Variants in ALCAM observed in about 807,000 individuals in gnomAD.
The protein encoded by ALCAM is CD166 antigen.
A neutral mutation model predicts 70.9 loss-of-function variants in ALCAM; 30 were observed. The ratio of observed to expected loss-of-function variants is 0.42; its 90% CI spans 0.32 to 0.57. The LOEUF is 0.57. Among genes scored for constraint, ALCAM ranks in the 20% least tolerant of loss-of-function variants. The pLI, the probability that ALCAM is intolerant of heterozygous loss-of-function variation, is 0.11. For synonymous variants in ALCAM, 249 were observed against 242.5 expected, an observed-to-expected ratio of 1.03 and a Z score of -0.25; for missense variants, 591 against 695.1, an observed-to-expected ratio of 0.85 and a Z score of 1.68.
intron 1 of ALCAM, among the ~76,000 whole-genome samples, chr3:105,405,726 A>C (rs1353090820): frequency 6.6e-6 from 1 of 152,234 alleles, no homozygotes; most frequent in Non-Finnish European, 1.5e-5. Flanking sequence ...CAGTGGAGTA[A>C]AATTGGAAAT....
At chr3:105,536,354 A>G (rs770002286) in intron 6 of ALCAM, among the ~76,000 whole-genome samples, 11 of 152,160 alleles carry the variant, frequency 7.2e-5, no homozygotes, top group Non-Finnish European at 1.5e-4. Flanking sequence ...TCAGCCTCCC[A>G]AAGTACTGGG....
chr3:105,463,080 A>C (rs530031245), intron 1 of ALCAM, among the ~76,000 whole-genome samples: 1 of 151,604 alleles, frequency 6.6e-6, no homozygotes, highest in African/African-American at 2.4e-5. Context: ...AATACAATAC[A>C]TTTTAACCTT....
At chr3:105,429,470 A>G (rs888907083) in intron 1 of ALCAM, among the ~76,000 whole-genome samples, 3 of 152,004 alleles carry the variant, frequency 2.0e-5, no homozygotes, top group African/African-American at 4.8e-5. Flanking sequence ...TATTTAAAAA[A>G]TGATGTTCCA....
At chr3:105,539,918 C>T in intron 6 of ALCAM, 57 bp from the exon 7 acceptor site, 1 of 1,576,234 alleles carries the variant, frequency 6.3e-7, no homozygotes. Context: ...ACATTGTATG[C>T]ACAGAGTAAT....
chr3:105,529,027 T>A (rs534200649), intron 3 of ALCAM, among the ~76,000 whole-genome samples: 2 of 152,270 alleles, frequency 1.3e-5, no homozygotes, highest in Admixed American at 1.3e-4. Context: ...ACACACACCT[T>A]GTAAAATACT....
intron 12 of ALCAM, among the ~76,000 whole-genome samples, chr3:105,551,312 T>G (rs1218736767): frequency 1.3e-5 from 2 of 151,676 alleles, no homozygotes; most frequent in African/African-American, 2.4e-5. Flanking sequence ...CCTTTCTTCC[T>G]GAACACAAGT....
intron 1 of ALCAM, among the ~76,000 whole-genome samples, chr3:105,370,189 A>ATGTTGAG (rs1451781964): frequency 1.4e-4 from 22 of 152,332 alleles, no homozygotes; most frequent in Non-Finnish European, 1.5e-4. Context: ...AATTGATCTC[A>ATGTTGAG]ACAGGACTTG....
rs1470636666 is a variant in ALCAM at position 105,470,655 on chromosome 3, G to C, written c.74-49412G>C. Among the ~76,000 whole-genome samples the C allele has an allele frequency of 2.6e-5, 4 of 151,240 alleles. No individual in the cohort carries two copies. In the East Asian group the frequency reaches 7.8e-4, roughly 29 times the overall value. On this transcript the variant is annotated intron_variant, in intron 1 of 15. Transcript: ENST00000306107. ...CGATAAACAGGATTTATTCACAAGA[G>C]AACCTTCTGTGGCATTTTCTGAAGA...
At chr3:105,571,808 C>T in intron 14 of ALCAM, 44 bp from the exon 15 acceptor site, 1 of 1,314,654 alleles carries the variant, frequency 7.6e-7, no homozygotes. Context: ...AAAAGTTGAA[C>T]ATGTATGTGT....
intron 4 of ALCAM, 33 bp from the exon 5 acceptor site, chr3:105,533,570 C>A: frequency 1.3e-6 from 2 of 1,572,812 alleles, no homozygotes; most frequent in Non-Finnish European, 1.7e-6. Context: ...CCTGATTGAA[C>A]CAAGGTAATA....
intron 1 of ALCAM, among the ~76,000 whole-genome samples, chr3:105,480,729 G>T (rs1938248514): frequency 6.6e-6 from 1 of 152,022 alleles, no homozygotes; most frequent in Non-Finnish European, 1.5e-5. Context: ...GCTGTTATTT[G>T]CTATTACTTT....
chr3:105,381,735 C>T (rs1453539615), intron 1 of ALCAM, among the ~76,000 whole-genome samples: 1 of 151,558 alleles, frequency 6.6e-6, no homozygotes, highest in Non-Finnish European at 1.5e-5. Context: ...TCTGTAGATT[C>T]AGAGTCTACA....
intron 1 of ALCAM, among the ~76,000 whole-genome samples, chr3:105,389,319 T>C (rs895168656): frequency 1.3e-5 from 2 of 150,356 alleles, no homozygotes; most frequent in African/African-American, 4.9e-5. Flanking sequence ...AAACGGAATG[T>C]GTTTTGAAAC....
intron 4 of ALCAM, among the ~76,000 whole-genome samples, chr3:105,532,739 G>A (rs1334663348): frequency 6.6e-6 from 1 of 152,108 alleles, no homozygotes; most frequent in African/African-American, 2.4e-5. Context: ...AGCAAATTTT[G>A]GCATTGATGA....
chr3:105,397,700 T>C (rs1935989594), intron 1 of ALCAM, among the ~76,000 whole-genome samples: 1 of 152,006 alleles, frequency 6.6e-6, no homozygotes, highest in South Asian at 2.1e-4. Context: ...GTCACATACC[T>C]TTTTAAAGAA....
At chr3:105,512,875 C>G (rs1939274562) in intron 1 of ALCAM, among the ~76,000 whole-genome samples, 1 of 151,854 alleles carries the variant, frequency 6.6e-6, no homozygotes, top group African/African-American at 2.4e-5. Context: ...AAATAGTCAA[C>G]TTTCGGAACT....
chr3:105,566,973 T>C (rs1940756644), intron 14 of ALCAM, among the ~76,000 whole-genome samples: 1 of 152,166 alleles, frequency 6.6e-6, no homozygotes, highest in South Asian at 2.1e-4. Flanking sequence ...TTTCTTTTCA[T>C]TTAATTTAAT....
chr3:105,512,555 T>G (rs1171434143), intron 1 of ALCAM, among the ~76,000 whole-genome samples: 1 of 151,932 alleles, frequency 6.6e-6, no homozygotes, highest in Non-Finnish European at 1.5e-5. Flanking sequence ...CTAAATATAT[T>G]CATCTGTCCT....
At chr3:105,511,315 G>A (rs980024691) in intron 1 of ALCAM, among the ~76,000 whole-genome samples, 1 of 152,028 alleles carries the variant, frequency 6.6e-6, no homozygotes, top group Non-Finnish European at 1.5e-5. Context: ...TCTTCAGATA[G>A]CAGATTATAC....
Sources: allele counts gnomAD v4.1 joint callset (sites outside exome capture counted in the v4.1 genomes callset), GRCh38; gene constraint gnomAD v4.1.1; transcripts MANE v1.5; gene names NCBI Gene and HGNC (gene_info 2026-07-23, HGNC 2026-07-21).